The following SVIL variants were observed in gnomAD, a reference collection of about 807,000 sequenced individuals.
The protein encoded by SVIL is archvillin.
SVIL carries 101 observed loss-of-function variants against 240.4 expected under a neutral mutation model. The observed-to-expected ratio is 0.42, with a 90% CI of 0.36 to 0.50. The LOEUF (loss-of-function observed/expected upper bound fraction) is 0.50, where lower values mean the gene tolerates loss of function less well. SVIL is among the 20% of genes least tolerant of loss of function. The probability of loss-of-function intolerance (pLI) is 0.01; values close to 1 mark genes in which losing one functional copy is unlikely to be tolerated. For synonymous variants in SVIL, 999 were observed against 1,100.0 expected (o/e 0.91, Z 1.82); for missense variants, 2,512 against 2,818.7 (o/e 0.89, Z 2.46).
Position 29,512,656 on chromosome 10 carries a change from G to A in SVIL, c.3516+79C>T. On this transcript the variant is annotated intron_variant, in intron 17 of 37. Coordinates refer to ENST00000355867, the MANE Select transcript of SVIL (RefSeq NM_021738.3). ...AAATGCTTCACAGAGTAGGAATTAG[G>A]TGGCACACGCTTGTCTTTTTGATGC... 3.7e-6 allele frequency: 6 copies of A among 1,608,980 alleles called. No individual in the cohort carries two copies. In the East Asian group the frequency reaches 8.9e-5, roughly 24 times the overall value.
intron 2 of SVIL, among the ~76,000 whole-genome samples, chr10:29,664,360 C>T (rs1407226435): frequency 1.3e-5 from 2 of 151,862 alleles, no homozygotes; most frequent in East Asian, 3.9e-4. Context: ...TGAAGAAAAA[C>T]TCAGGTTGGT....
In SVIL at chr10:29,532,754, G is replaced by A. The variant is rs140127802; in HGVS notation, c.1613C>T (p.Ser538Leu). The A allele has an allele frequency of 3.6e-5, 58 of 1,614,130 alleles. No individual in the cohort carries two copies. Among genetic ancestry groups the A allele is most frequent in the Middle Eastern group, 1.6e-4 (1 of 6,062 alleles). The change falls in exon 8 of 38, where the codon TCG becomes TTG. Residue 538 changes from serine to leucine, a missense_variant. By Grantham distance (145) the Ser-to-Leu change is moderately radical. Transcript: ENST00000355867. ...GCGGGTACGGACCTTGCGCTTTTTC[G>A]AGGCTTCCCTGTTGTGACCAGTTGG... Reference protein sequence around the residue: ...AKPTGHNREASKKRKVRTRSL... With the variant: ...AKPTGHNREALKKRKVRTRSL...
rs368911883 is a variant in SVIL, at chr10:29,573,376, A to G, written c.-200-4064T>C. Reference sequence around the variant, plus strand: ...ACATAGTTGTTGAAAGGAAAAAGGCACAACATTCTTTATGAAATTATGGAT... The same window carrying G: ...ACATAGTTGTTGAAAGGAAAAAGGCGCAACATTCTTTATGAAATTATGGAT... On this transcript the variant is annotated intron_variant, in intron 1 of 37. Coordinates refer to ENST00000355867, the MANE Select transcript of SVIL (RefSeq NM_021738.3). Among the ~76,000 whole-genome samples, 230 of 152,308 alleles carry G rather than the reference A, an allele frequency of 1.5e-3. 8 individuals are homozygous for G. In the South Asian group the frequency reaches 0.046, roughly 30 times the overall value.
At chr10:29,533,489 A>G (rs1029386096) in intron 7 of SVIL, 31 bp from the exon 8 acceptor site, 24 of 1,588,724 alleles carry the variant, frequency 1.5e-5, no homozygotes, top group Non-Finnish European at 2.1e-5. Context: ...TTAAGTTGCA[A>G]AGTGCAGTAA....
At chr10:29,724,370 A>AACACAC (rs9299624) in intron 1 of SVIL, among the ~76,000 whole-genome samples, 30,896 of 145,948 alleles carry the variant, frequency 0.21, 3,386 homozygotes, top group East Asian at 0.28. Context: ...GAGGATTTAA[A>AACACAC]ACACACACAC....
intron 16 of SVIL, among the ~76,000 whole-genome samples, chr10:29,513,976 T>TAAAAAAAAA (rs911399485): frequency 2.2e-5 from 2 of 90,406 alleles, no homozygotes; most frequent in East Asian, 5.2e-4. Flanking sequence ...ATGGGAAAGA[T>TAAAAAAAAA]AAAAGGTAAA....
At chr10:29,612,103 T>C (rs1458260093) in intron 1 of SVIL, among the ~76,000 whole-genome samples, 1 of 151,438 alleles carries the variant, frequency 6.6e-6, no homozygotes, top group Admixed American at 6.6e-5. Context: ...AAAAAAAAAA[T>C]CGATCCTCAG....
intron 1 of SVIL, among the ~76,000 whole-genome samples, chr10:29,731,065 C>T (rs1391283990): frequency 6.6e-6 from 1 of 152,212 alleles, no homozygotes; most frequent in African/African-American, 2.4e-5. Context: ...GATTCTGCTC[C>T]TCGATTCTTA....
intron 2 of SVIL, among the ~76,000 whole-genome samples, chr10:29,662,452 A>G (rs1195462203): frequency 6.6e-6 from 1 of 152,248 alleles, no homozygotes; most frequent in Non-Finnish European, 1.5e-5. Context: ...ATTTGTAAAA[A>G]GTAAATAAAT....
At chr10:29,670,743 A>T (rs1167062647) in intron 2 of SVIL, among the ~76,000 whole-genome samples, 2 of 152,232 alleles carry the variant, frequency 1.3e-5, no homozygotes, top group African/African-American at 2.4e-5. Context: ...TGATCCCTGC[A>T]AGTTAGAGTG....
chr10:29,686,734 C>A (rs573502427), intron 1 of SVIL: 3 of 152,160 alleles, frequency 2.0e-5, no homozygotes, highest in African/African-American at 7.2e-5. Flanking sequence ...TGGAATGAAT[C>A]GGTTTGCATT....
intron 1 of SVIL, among the ~76,000 whole-genome samples, chr10:29,726,562 C>T (rs939918350): frequency 4.6e-5 from 7 of 151,932 alleles, no homozygotes; most frequent in Non-Finnish European, 1.0e-4. Flanking sequence ...GACTGGCCAA[C>T]ATGATGAAAC....
rs201747650 is a variant in SVIL at position 29,582,123 on chromosome 10, G to T, written c.-200-12811C>A. ...CCATTTGGAATGATGAAAAAGTTCT[G>T]GAGAGGGATGGTGGTGATGGCTGCA... On this transcript the variant is annotated intron_variant, in intron 1 of 37. Transcript: ENST00000355867. Among the ~76,000 whole-genome samples, 8 of 152,312 alleles carry T rather than the reference G, an allele frequency of 5.3e-5. No homozygotes were observed. The East Asian group carries it at 1.2e-3, about 22-fold the overall frequency.
intron 1 of SVIL, among the ~76,000 whole-genome samples, chr10:29,609,336 G>A (rs1319503137): frequency 2.6e-5 from 4 of 152,218 alleles, no homozygotes; most frequent in Admixed American, 2.6e-4. Flanking sequence ...TGGAGCTGCT[G>A]TTAACACTAT....
intron 16 of SVIL, among the ~76,000 whole-genome samples, chr10:29,515,500 A>T (rs1413067057): frequency 6.6e-6 from 1 of 152,188 alleles, no homozygotes; most frequent in Admixed American, 6.5e-5. Flanking sequence ...GCATGCCAGC[A>T]CTTTAATACC....
At position 29,513,202 on chromosome 10, in the gene SVIL, G is replaced by A. The variant is rs577689152; in HGVS notation, c.3390-341C>T. Among the ~76,000 whole-genome samples, 202 of 152,300 alleles carry A rather than the reference G, an allele frequency of 1.3e-3. 1 individual carries two copies. The highest frequency in any genetic ancestry group is 2.5e-3 in the Non-Finnish European group (172 of 68,036). On this transcript the variant is annotated intron_variant, in intron 16 of 37. Transcript: ENST00000355867. ...CCAGAGAAAAATGTCTTTTAGCGAC[G>A]CCTTCTGGTCACTTGTGAAATAACA...
chr10:29,542,646 C>T (rs1056066518), intron 6 of SVIL, among the ~76,000 whole-genome samples: 4 of 152,024 alleles, frequency 2.6e-5, no homozygotes, highest in African/African-American at 9.7e-5. Context: ...GTATCCATCC[C>T]CTTAAGTATT....
intron 1 of SVIL, among the ~76,000 whole-genome samples, chr10:29,589,239 G>A (rs1255832004): frequency 1.3e-5 from 2 of 152,126 alleles, no homozygotes; most frequent in Non-Finnish European, 2.9e-5. Flanking sequence ...CCAACCCCAT[G>A]CCGCCCTATC....
intron 2 of SVIL, among the ~76,000 whole-genome samples, chr10:29,665,261 C>T (rs1959213435): frequency 1.4e-5 from 2 of 142,204 alleles, no homozygotes; most frequent in African/African-American, 5.3e-5. Context: ...AGGAGGCAAA[C>T]GATGGTCTTC....
Sources: gnomAD v4.1 joint callset for allele counts (sites outside exome capture counted in the v4.1 genomes callset) on GRCh38, gnomAD v4.1.1 for gene constraint, MANE v1.5 for transcripts, NCBI Gene and HGNC (gene_info 2026-07-23, HGNC 2026-07-21) for gene names.